BMPER: variants seen among roughly 807,000 people sequenced by gnomAD.
The protein encoded by BMPER is BMP binding endothelial regulator.
A neutral mutation model predicts 87.3 loss-of-function variants in BMPER; 45 were observed. The observed-to-expected ratio is 0.52, with a 90% CI of 0.41 to 0.66. BMPER has a LOEUF of 0.66. Ranked by LOEUF, BMPER falls within the 30% of genes least tolerant of loss-of-function variation. BMPER has a pLI of 0.00. For synonymous variants in BMPER, 326 were observed against 316.2 expected, an observed-to-expected ratio of 1.03 and a Z score of -0.33; for missense variants, 784 against 867.5, an observed-to-expected ratio of 0.90 and a Z score of 1.21.
At chr7:34,008,344 T>C (rs1032505895) in intron 6 of BMPER, among the ~76,000 whole-genome samples, 1 of 152,026 alleles carries the variant, frequency 6.6e-6, no homozygotes, top group Non-Finnish European at 1.5e-5. Context: ...GTAGTAGTAT[T>C]TTCTCATGCA....
At chr7:33,965,597 C>G (rs1209148603) in intron 3 of BMPER, among the ~76,000 whole-genome samples, 1 of 152,132 alleles carries the variant, frequency 6.6e-6, no homozygotes, top group African/African-American at 2.4e-5. Context: ...ATTAAGCAAT[C>G]CAGACTATGT....
intron 6 of BMPER, among the ~76,000 whole-genome samples, chr7:34,000,756 A>G (rs1385117821): frequency 2.0e-5 from 3 of 152,118 alleles, no homozygotes; most frequent in Admixed American, 6.5e-5. Flanking sequence ...TCGCAAAGGT[A>G]TTTCTTGTCA....
At chr7:33,911,142 G>A (rs1334236234) in intron 2 of BMPER, among the ~76,000 whole-genome samples, 2 of 152,218 alleles carry the variant, frequency 1.3e-5, no homozygotes, top group African/African-American at 2.4e-5. Context: ...CACTAAGGAA[G>A]CAATCAGATT....
intron 3 of BMPER, among the ~76,000 whole-genome samples, chr7:33,946,079 T>G (rs1049237125): frequency 6.6e-6 from 1 of 152,188 alleles, no homozygotes; most frequent in African/African-American, 2.4e-5. Context: ...TGATTCAACA[T>G]GGCTAGGGAG....
chr7:34,009,693 A>C (rs1786828125), intron 6 of BMPER, among the ~76,000 whole-genome samples: 2 of 152,002 alleles, frequency 1.3e-5, no homozygotes, highest in Non-Finnish European at 2.9e-5. Context: ...CCTTGGACAA[A>C]GGAAAGAGAT....
chr7:33,931,624 AAGG>A (rs887690948), intron 2 of BMPER, among the ~76,000 whole-genome samples: 1 of 152,196 alleles, frequency 6.6e-6, no homozygotes, highest in Non-Finnish European at 1.5e-5. Flanking sequence ...GGGATACTTC[AAGG>A]AGAAGTTGAC....
intron 3 of BMPER, among the ~76,000 whole-genome samples, chr7:33,964,652 C>T (rs1404327786): frequency 6.6e-6 from 1 of 152,184 alleles, no homozygotes; most frequent in African/African-American, 2.4e-5. Flanking sequence ...GCCTGGTGCT[C>T]CTCCTGGGAG....
At chr7:33,970,260 T>G (rs536559641) in intron 4 of BMPER, 69 bp from the exon 5 acceptor site, 2 of 1,499,712 alleles carry the variant, frequency 1.3e-6, no homozygotes, top group Non-Finnish European at 1.9e-6. Flanking sequence ...CCTACTTAGG[T>G]CACTTTCCAA....
chr7:33,905,815 GCTTGC>G, intron 1 of BMPER, 69 bp downstream of exon 1: 2 of 1,392,572 alleles, frequency 1.4e-6, no homozygotes, highest in Non-Finnish European at 2.0e-6. Context: ...GGTGGCGCTG[GCTTGC>G]CCCGGGGATG....
intron 3 of BMPER, among the ~76,000 whole-genome samples, chr7:33,961,240 C>T (rs914953588): frequency 2.0e-5 from 3 of 152,074 alleles, no homozygotes; most frequent in African/African-American, 4.8e-5. Flanking sequence ...AGGCCAGGCC[C>T]GGGATATCTT....
intron 6 of BMPER, among the ~76,000 whole-genome samples, chr7:34,009,408 A>T (rs1466986167): frequency 6.6e-6 from 1 of 151,898 alleles, no homozygotes; most frequent in African/African-American, 2.4e-5. Flanking sequence ...TATTAGTGGA[A>T]GGGAGGACTT....
At chr7:34,086,117 G>A (rs755382614) in intron 13 of BMPER, 25 bp downstream of exon 13, 3 of 1,609,704 alleles carry the variant, frequency 1.9e-6, no homozygotes, top group Admixed American at 1.7e-5. Context: ...CTGGGGAATG[G>A]TTTTGGGTTG....
At chr7:34,122,543 T>C (rs2127989615) in intron 13 of BMPER, among the ~76,000 whole-genome samples, 1 of 152,304 alleles carries the variant, frequency 6.6e-6, no homozygotes, top group South Asian at 2.1e-4. Flanking sequence ...TTAGTGAATT[T>C]GCCTGCACAC....
At chr7:34,018,839 A>C (rs555302419) in intron 6 of BMPER, among the ~76,000 whole-genome samples, 1 of 152,108 alleles carries the variant, frequency 6.6e-6, no homozygotes, top group South Asian at 2.1e-4. Flanking sequence ...AAAAAAGAAA[A>C]AATAAAAGAA....
chr7:34,106,635 G>A (rs1217688371), intron 13 of BMPER, among the ~76,000 whole-genome samples: 1 of 152,208 alleles, frequency 6.6e-6, no homozygotes, highest in African/African-American at 2.4e-5. Context: ...TGCCTGGTGA[G>A]TGCCACACGC....
At position 34,138,338 on chromosome 7, in the gene BMPER, G is replaced by A. The variant is rs374952769; in HGVS notation, c.1746-4892G>A. On this transcript the variant is annotated intron_variant, in intron 13 of 14. Transcript: ENST00000649409. ...CCACTACCGTGCCGAGTGCTATGAG[G>A]AACAGGGTTAAAACATGCCTTCAAG... 1.5e-4 allele frequency among the ~76,000 whole-genome samples: 23 copies of A among 152,276 alleles called. 2 individuals are homozygous for A. The highest frequency in any genetic ancestry group is 8.5e-4 in the Admixed American group (13 of 15,300).
At chr7:33,945,675 T>G (rs1005036458) in intron 3 of BMPER, among the ~76,000 whole-genome samples, 2 of 152,196 alleles carry the variant, frequency 1.3e-5, no homozygotes, top group African/African-American at 4.8e-5. Context: ...TCTGGTTGAT[T>G]TTAAGACCTT....
At chr7:33,945,818 T>G (rs1281856397) in intron 3 of BMPER, among the ~76,000 whole-genome samples, 3 of 152,036 alleles carry the variant, frequency 2.0e-5, no homozygotes, top group Non-Finnish European at 4.4e-5. Flanking sequence ...ATTTTATATA[T>G]GAGGAAAATG....
intron 6 of BMPER, among the ~76,000 whole-genome samples, chr7:34,006,057 T>G (rs1161208282): frequency 3.3e-5 from 5 of 152,062 alleles, no homozygotes; most frequent in Admixed American, 3.3e-4. Flanking sequence ...TTCCCCTGCA[T>G]GCTTGACAAC....
Sources: gnomAD v4.1 joint callset for allele counts (sites outside exome capture counted in the v4.1 genomes callset) on GRCh38, gnomAD v4.1.1 for gene constraint, MANE v1.5 for transcripts, NCBI Gene and HGNC (gene_info 2026-07-23, HGNC 2026-07-21) for gene names.